CCAR1: variants seen among roughly 807,000 people sequenced by gnomAD.
The protein encoded by CCAR1 is cell division cycle and apoptosis regulator protein 1.
CCAR1 carries 78 observed loss-of-function variants against 163.8 expected under a neutral mutation model. The ratio of observed to expected loss-of-function variants is 0.48; its 90% CI spans 0.40 to 0.57. CCAR1 has a LOEUF of 0.57. CCAR1 is among the 20% of genes least tolerant of loss of function. CCAR1 has a pLI of 0.00. For missense variants in CCAR1, 1,019 were observed against 1,365.2 expected (o/e 0.75, Z 4.00); for synonymous variants, 443 against 460.7 (o/e 0.96, Z 0.49).
chr10:68,774,496 G>A (rs202105690), intron 19 of CCAR1, among the ~76,000 whole-genome samples: 45 of 151,730 alleles, frequency 3.0e-4, no homozygotes, highest in Admixed American at 7.3e-4. Flanking sequence ...AAAATTAGCC[G>A]GGCACGCGCC....
At chr10:68,782,821 T>C (rs78811806) in intron 19 of CCAR1, among the ~76,000 whole-genome samples, 4,409 of 152,238 alleles carry the variant, frequency 0.029, 130 homozygotes, top group Non-Finnish European at 0.038. Context: ...TTTTACTAAA[T>C]ATTTTAAGCC....
intron 13 of CCAR1, 97 bp downstream of exon 13, chr10:68,755,633 A>T: frequency 9.9e-7 from 1 of 1,009,282 alleles, no homozygotes; most frequent in Non-Finnish European, 1.4e-6. Flanking sequence ...TATTTTAGCA[A>T]CCCTGGTCAA....
At chr10:68,788,084 A>G in intron 22 of CCAR1, 37 bp downstream of exon 22, 1 of 1,536,904 alleles carries the variant, frequency 6.5e-7, no homozygotes. Flanking sequence ...TTTAATAAAT[A>G]TACTAGTAAT....
At chr10:68,762,397 T>G (rs2056484697) in intron 16 of CCAR1, among the ~76,000 whole-genome samples, 1 of 152,064 alleles carries the variant, frequency 6.6e-6, no homozygotes, top group East Asian at 1.9e-4. Flanking sequence ...GAAATTGAGT[T>G]CTAGTGAAGT....
intron 9 of CCAR1, 103 bp from the exon 10 acceptor site, chr10:68,749,421 T>C (rs2056302281): frequency 2.4e-6 from 3 of 1,255,104 alleles, no homozygotes; most frequent in African/African-American, 1.5e-5. Context: ...GTTAAACAAA[T>C]ATACTGTGGA....
intron 16 of CCAR1, among the ~76,000 whole-genome samples, chr10:68,762,640 T>TTGTAA (rs1437299702): frequency 6.6e-6 from 1 of 152,214 alleles, no homozygotes; most frequent in Admixed American, 6.5e-5. Flanking sequence ...ATCTTATACA[T>TTGTAA]TGTAAAGTAC....
chr10:68,784,459 T>C (rs1589193922), intron 19 of CCAR1, among the ~76,000 whole-genome samples: 1 of 152,046 alleles, frequency 6.6e-6, no homozygotes, highest in Non-Finnish European at 1.5e-5. Context: ...GTGATCCATC[T>C]GCCTCGGGCT....
intron 2 of CCAR1, among the ~76,000 whole-genome samples, chr10:68,724,038 A>G (rs1223439377): frequency 6.6e-6 from 1 of 151,858 alleles, no homozygotes; most frequent in East Asian, 1.9e-4. Context: ...CATGCCTGTA[A>G]TCCTAACTAC....
intron 12 of CCAR1, chr10:68,755,164 A>G (rs1330925853): frequency 1.4e-6 from 1 of 740,066 alleles, no homozygotes; most frequent in African/African-American, 1.7e-5. Flanking sequence ...GAAATATTTT[A>G]AAAGGATGAG....
chr10:68,744,558 A>G (rs921982559), intron 6 of CCAR1, among the ~76,000 whole-genome samples: 16 of 152,202 alleles, frequency 1.1e-4, no homozygotes, highest in African/African-American at 3.9e-4. Context: ...CCTTTTCCAT[A>G]TTTAAATTAG....
At chr10:68,735,371 C>T (rs1014851809) in intron 2 of CCAR1, among the ~76,000 whole-genome samples, 33 of 115,370 alleles carry the variant, frequency 2.9e-4, no homozygotes, top group South Asian at 5.7e-4. Context: ...CGTTTTTGTG[C>T]TTTTTTTTTT....
chr10:68,736,412 A>ACAC (rs2056111307), intron 2 of CCAR1, among the ~76,000 whole-genome samples: 1 of 152,162 alleles, frequency 6.6e-6, no homozygotes, highest in African/African-American at 2.4e-5. Flanking sequence ...TATTAACTGT[A>ACAC]GTCAACGTGA....
In CCAR1 at chr10:68,737,866, G is replaced by A; in HGVS notation, c.268G>A (p.Ala90Thr). Residue 90 changes from alanine (A) to threonine (T), a missense_variant, in exon 4 of 25, where the codon GCC becomes ACC. Around this residue, in one of 4 missense-constraint regions of CCAR1, gnomAD observed 644 missense variants for 904.4 expected, o/e 0.71. Coordinates refer to ENST00000265872, the MANE Select transcript of CCAR1 (RefSeq NM_018237.4). ...TCAGCAATATTCACAACCTCAGCAG[G>A]CCCTGTATAGTGTGCAACAACAGGT... Reference protein sequence around the residue: ...LQQQYSQPQQALYSVQQQLQQ... With the variant: ...LQQQYSQPQQTLYSVQQQLQQ... 6.3e-7 allele frequency: 1 copy of A among 1,594,638 alleles called. No homozygotes were observed.
intron 1 of CCAR1, 185 bp downstream of exon 1, chr10:68,721,467 G>C (rs1219998047): frequency 5.2e-6 from 2 of 385,218 alleles, no homozygotes; most frequent in Admixed American, 6.0e-5. Context: ...GGTCGGAGCA[G>C]GCCCGGCGCG....
chr10:68,724,419 C>G (rs769278548), intron 2 of CCAR1, among the ~76,000 whole-genome samples: 1 of 151,992 alleles, frequency 6.6e-6, no homozygotes, highest in Non-Finnish European at 1.5e-5. Context: ...GAGCTGATAT[C>G]GCAACGCTAC....
intron 10 of CCAR1, among the ~76,000 whole-genome samples, chr10:68,753,551 C>T (rs1018636430): frequency 2.0e-5 from 3 of 152,116 alleles, no homozygotes; most frequent in Non-Finnish European, 4.4e-5. Flanking sequence ...CTGAGGAAAA[C>T]CTGCTTTTGT....
chr10:68,750,409 A>G (rs1291711383), intron 10 of CCAR1, among the ~76,000 whole-genome samples: 1 of 151,696 alleles, frequency 6.6e-6, no homozygotes, highest in Non-Finnish European at 1.5e-5. Context: ...TTTAGTAGGG[A>G]CGGGGTTTCA....
chr10:68,730,407 G>A (rs1449503121), intron 2 of CCAR1, among the ~76,000 whole-genome samples: 2 of 149,836 alleles, frequency 1.3e-5, no homozygotes, highest in Non-Finnish European at 3.0e-5. Context: ...GCAGGGTCTC[G>A]GCTCACTGTA....
Position 68,731,376 on chromosome 10 carries a change from T to A in CCAR1, c.74-5500T>A, listed in dbSNP as rs117342129. Among the ~76,000 whole-genome samples the A allele has an allele frequency of 4.8e-3, 724 of 152,290 alleles. 2 individuals are homozygous for A. The highest frequency in any genetic ancestry group is 7.5e-3 in the Non-Finnish European group (511 of 68,022). ...GAGCATTAATAAATATTTAATGAAA[T>A]ACACTTCATTGAAATTAAAGTCTCA... On this transcript the variant is annotated intron_variant, in intron 2 of 24. Transcript: ENST00000265872.
Sources: gnomAD v4.1 joint callset for allele counts (sites outside exome capture counted in the v4.1 genomes callset) on GRCh38, gnomAD v4.1.1 for gene constraint, gnomAD v4.1.1 regional missense constraint, MANE v1.5 for transcripts, NCBI Gene and HGNC (gene_info 2026-07-23, HGNC 2026-07-21) for gene names.